The following KRT7 variants were observed in gnomAD, a reference collection of about 807,000 sequenced individuals.
The protein encoded by KRT7 is keratin 7.
Under a neutral mutation model 42.8 loss-of-function variants are expected in KRT7, and 50 were observed. That is an observed-to-expected ratio of 1.17 (90% CI 0.93 to 1.48). The LOEUF is 1.48. Ranked by LOEUF, KRT7 falls within the 40% of genes most tolerant of loss-of-function variation. The probability of loss-of-function intolerance (pLI) is 0.00; values close to 1 mark genes in which losing one functional copy is unlikely to be tolerated. For synonymous variants in KRT7, 268 were observed against 266.3 expected (o/e 1.01, Z -0.06); for missense variants, 588 against 637.6 (o/e 0.92, Z 0.84).
chr12:52,251,402 C>T (rs2608012), downstream of KRT7, among the ~76,000 whole-genome samples: 76,738 of 152,092 alleles, frequency 0.5, 19,685 homozygotes, highest in East Asian at 0.61. Flanking sequence ...ATCACACACA[C>T]GAAAATCTCG....
At chr12:52,250,971 C>A (rs1942258086), downstream of KRT7, among the ~76,000 whole-genome samples, 1 of 152,138 alleles carries the variant, frequency 6.6e-6, no homozygotes, top group Non-Finnish European at 1.5e-5. Context: ...GGGTGGCCAA[C>A]CTTTTTTATT....
chr12:52,243,806 C>T (rs950745987), intron 6 of KRT7, among the ~76,000 whole-genome samples: 4 of 152,244 alleles, frequency 2.6e-5, no homozygotes, highest in Non-Finnish European at 5.9e-5. Context: ...CTGTCACTCT[C>T]TGAAATGTTC....
Position 52,235,067 on chromosome 12 carries a change from C to G in KRT7, c.325-88C>G, listed in dbSNP as rs1941990060. ...AACAGCCAGGGGGAGCATGGCTCTG[C>G]TAAGTGGCTAAAGATGATGTTCCTC... On this transcript the variant is annotated intron_variant, in intron 1 of 8. Coordinates refer to ENST00000331817, the MANE Select transcript of KRT7 (RefSeq NM_005556.4). 20 of 1,275,006 alleles carry G rather than the reference C, an allele frequency of 1.6e-5. 1 individual carries two copies. The highest frequency in any genetic ancestry group is 2.7e-4 in the Middle Eastern group (1 of 3,730). 79.0% of individuals were successfully genotyped at this position (1,275,006 alleles called of 1,614,324 possible).
chr12:52,242,740 C>T (rs1942111335), intron 5 of KRT7, among the ~76,000 whole-genome samples: 1 of 152,066 alleles, frequency 6.6e-6, no homozygotes, highest in African/African-American at 2.4e-5. Flanking sequence ...CAGTGATTCT[C>T]CAGCAGAAGG....
Position 52,248,574 on chromosome 12 carries a change from C to T in KRT7, c.1241-17C>T, listed in dbSNP as rs755596584. 6.4e-7 allele frequency: 1 copy of T among 1,559,882 alleles called. No individual in the cohort carries two copies. Among genetic ancestry groups the T allele is most frequent in the Non-Finnish European group, 8.7e-7 (1 of 1,151,002 alleles). ...GGAGCCTCACGCTGAAGAGAGCCCTCCTCTTTTCTCTCCCAGCTGTGATGA... is the reference window on the plus strand; with the variant it reads ...GGAGCCTCACGCTGAAGAGAGCCCTTCTCTTTTCTCTCCCAGCTGTGATGA... On this transcript the variant is annotated splice_polypyrimidine_tract_variant and intron_variant, in intron 8 of 8. Coordinates refer to ENST00000331817, the MANE Select transcript of KRT7 (RefSeq NM_005556.4).
intron 1 of KRT7, among the ~76,000 whole-genome samples, chr12:52,234,114 G>C (rs1390865581): frequency 2.1e-5 from 3 of 142,552 alleles, no homozygotes; most frequent in Non-Finnish European, 4.6e-5. Context: ...AGCGGCAGTC[G>C]GTGGGGCGGG....
At chr12:52,254,579 T>G (rs1942314784), downstream of KRT7, among the ~76,000 whole-genome samples, 1 of 152,194 alleles carries the variant, frequency 6.6e-6, no homozygotes, top group African/African-American at 2.4e-5. Flanking sequence ...AGGGGGACAC[T>G]GAGGTTTGCA....
intron 5 of KRT7, among the ~76,000 whole-genome samples, chr12:52,242,126 T>C (rs2121089948): frequency 6.6e-6 from 1 of 152,230 alleles, no homozygotes; most frequent in South Asian, 2.1e-4. Flanking sequence ...TGCACCACCA[T>C]GCCTGGCTAA....
chr12:52,253,521 AG>A, downstream of KRT7: 2 of 1,587,444 alleles, frequency 1.3e-6, no homozygotes, highest in Non-Finnish European at 1.7e-6. Flanking sequence ...CAGAATCCCC[AG>A]AAAAGGAAGC....
Position 52,233,488 on chromosome 12 carries a change from C to T in KRT7, c.192C>T (p.Arg64=), listed in dbSNP as rs748682290. 1.2e-5 allele frequency: 19 copies of T among 1,610,974 alleles called. No individual in the cohort carries two copies. The South Asian group carries it at 2.1e-4, about 18-fold the overall frequency. Residue 64 remains arginine (R), a synonymous_variant, in exon 1 of 9, where the codon CGC becomes CGT. Transcript: ENST00000331817. The stretch of plus-strand genomic sequence containing the variant: ...GGGGCCCGGTGGGCGCCGGCATCCG[C>T]GAGGTCACCATTAACCAGAGCCTGC... ...AYGGPVGAGI[R]EVTINQSLLA... is the part of the protein sequence containing the mutation.
rs1941991273 is a variant in KRT7, at chr12:52,235,117, T to C, written c.325-38T>C. 9 of 1,600,076 alleles carry C rather than the reference T, an allele frequency of 5.6e-6. 1 individual carries two copies. On this transcript the variant is annotated intron_variant, in intron 1 of 8. Transcript: ENST00000331817. ...CAATCCCGCTGTGGGTGGCACGCTC[T>C]GGCTCCTCTTGAGTTTCCTCCTTCT... is the stretch of plus-strand genomic sequence containing the variant.
chr12:52,235,890 C>T (rs746650141), intron 2 of KRT7, among the ~76,000 whole-genome samples: 2 of 152,112 alleles, frequency 1.3e-5, no homozygotes, highest in Non-Finnish European at 1.5e-5. Context: ...AGCAAAGAAG[C>T]AGAGAGGGAA....
At chr12:52,243,488 G>A in intron 6 of KRT7, 2 of 224,060 alleles carry the variant, frequency 8.9e-6, no homozygotes, top group Non-Finnish European at 1.7e-5. Flanking sequence ...CAGGGACAGA[G>A]GACAGCAGAA....
intron 3 of KRT7, 29 bp from the exon 4 acceptor site, chr12:52,238,651 C>G: frequency 7.3e-7 from 1 of 1,375,130 alleles, no homozygotes; most frequent in Non-Finnish European, 1.0e-6. Flanking sequence ...ACATGGTCTC[C>G]CTCTGCCCCA....
chr12:52,245,081 G>A, intron 6 of KRT7: 1 of 411,660 alleles, frequency 2.4e-6, no homozygotes, highest in South Asian at 3.4e-5. Context: ...AGCACTTGCT[G>A]TGTGCTAGAC....
Position 52,248,214 on chromosome 12 carries a change from A to G in KRT7, c.1240+3A>G, listed in dbSNP as rs1451640635. On this transcript the variant is annotated splice_donor_region_variant and intron_variant, in intron 8 of 8. Transcript: ENST00000331817. ...TGGAGTGGGAGCCGTGAATATCTGT[A>G]AGTCCTTGGCTGCGGCCCATGGGAA... The G allele has an allele frequency of 6.2e-7, 1 of 1,614,002 alleles. No homozygotes were observed. The highest frequency in any genetic ancestry group is 8.5e-7 in the Non-Finnish European group (1 of 1,179,944).
At chr12:52,237,621 G>A (rs1283753626) in intron 3 of KRT7, 52 bp downstream of exon 3, 1 of 1,470,714 alleles carries the variant, frequency 6.8e-7, no homozygotes, top group East Asian at 2.3e-5. Flanking sequence ...ATGGGACAAA[G>A]GACCACAGGA....
At chr12:52,236,273 T>C (rs1411614740) in intron 2 of KRT7, among the ~76,000 whole-genome samples, 1 of 147,274 alleles carries the variant, frequency 6.8e-6, no homozygotes, top group Non-Finnish European at 1.5e-5. Flanking sequence ...ACCAGACAGG[T>C]GCAGAGTAGG....
chr12:52,233,358 G>C lies in KRT7; in HGVS notation c.62G>C (p.Gly21Ala), dbSNP rs1273618693. ...TSRSAAFSGR[G>A]AQVRLSSARP... Reference sequence around the variant, plus strand: ...CGCTCAGCCGCCTTCTCGGGCCGCGGCGCCCAGGTGCGCCTGAGCTCCGCT... The same window carrying C: ...CGCTCAGCCGCCTTCTCGGGCCGCGCCGCCCAGGTGCGCCTGAGCTCCGCT... Residue 21 changes from glycine to alanine, a missense_variant, in exon 1 of 9, where the codon GGC (glycine) becomes GCC (alanine). Physicochemically the swap from Gly to Ala is moderately conservative, Grantham distance 60 (BLOSUM62 0). Coordinates refer to ENST00000331817, the MANE Select transcript of KRT7 (RefSeq NM_005556.4). 4 of 1,571,086 alleles carry C rather than the reference G, an allele frequency of 2.5e-6. No individual in the cohort carries two copies. Among genetic ancestry groups the C allele is most frequent in the Non-Finnish European group, 3.4e-6 (4 of 1,164,112 alleles).
Sources: gnomAD v4.1 joint callset for allele counts (sites outside exome capture counted in the v4.1 genomes callset) on GRCh38, gnomAD v4.1.1 for gene constraint, MANE v1.5 for transcripts, NCBI Gene and HGNC (gene_info 2026-07-23, HGNC 2026-07-21) for gene names.